Variants in CEP164 observed in about 807,000 individuals in gnomAD.
The protein encoded by CEP164 is centrosomal protein of 164 kDa.
Under a neutral mutation model 182.7 loss-of-function variants are expected in CEP164, and 162 were observed. The ratio of observed to expected loss-of-function variants is 0.89; its 90% CI spans 0.78 to 1.01. CEP164 has a LOEUF of 1.01. CEP164 is among the 50% of genes least tolerant of loss of function. The probability of loss-of-function intolerance (pLI) is 0.00; values close to 1 mark genes in which losing one functional copy is unlikely to be tolerated. For missense variants in CEP164, 1,735 were observed against 1,790.4 expected (o/e 0.97, Z 0.56); for synonymous variants, 661 against 690.0 (o/e 0.96, Z 0.66).
intron 27 of CEP164, among the ~76,000 whole-genome samples, chr11:117,399,794 G>C (rs890028026): frequency 6.6e-6 from 1 of 152,182 alleles, no homozygotes; most frequent in African/African-American, 2.4e-5. Context: ...CTTTTGAGAA[G>C]TGTCTGTTCA....
At chr11:117,398,025 A>G (rs541660552) in intron 27 of CEP164, among the ~76,000 whole-genome samples, 1 of 152,230 alleles carries the variant, frequency 6.6e-6, no homozygotes, top group African/African-American at 2.4e-5. Context: ...CCTTCTGCCT[A>G]TGAGCCTGTA....
At chr11:117,348,514 G>A (rs962808360) in intron 4 of CEP164, among the ~76,000 whole-genome samples, 9 of 152,120 alleles carry the variant, frequency 5.9e-5, no homozygotes, top group Non-Finnish European at 1.3e-4. Context: ...CTGGGTAATA[G>A]TAGTGGTATC....
chr11:117,339,522 GTTTTTTTTTTTTTT>G (rs61258101), intron 3 of CEP164, among the ~76,000 whole-genome samples: 1 of 56,200 alleles, frequency 1.8e-5, no homozygotes, highest in Non-Finnish European at 3.1e-5. Flanking sequence ...TTTGTTTTTT[GTTTTTTTTTTTTTT>G]TTTTTTTTTT....
Position 117,344,186 on chromosome 11 carries a change from G to C in CEP164, c.103G>C (p.Glu35Gln). The change falls in exon 4 of 33, where the codon GAG (glutamate) becomes CAG (glutamine). Residue 35 changes from glutamate (E) to glutamine (Q), a missense_variant. By Grantham distance (29) the Glu-to-Gln change is conservative (BLOSUM62 2). Transcript: ENST00000278935. Reference protein sequence around the residue: ...SEQEILEFAREIGIDPIKEPE... With the variant: ...SEQEILEFARQIGIDPIKEPE... ...TGCAGAAATTCTTGAATTTGCCCGG[G>C]AGATTGGTATTGATCCCATCAAGGA... is the stretch of plus-strand genomic sequence containing the variant. 6.2e-7 allele frequency: 1 copy of C among 1,612,366 alleles called. No individual in the cohort carries two copies.
chr11:117,397,967 T>C (rs34114773), intron 27 of CEP164, among the ~76,000 whole-genome samples: 40,975 of 152,028 alleles, frequency 0.27, 6,704 homozygotes, highest in Non-Finnish European at 0.38. Context: ...ATTTCAGCAT[T>C]AACCCAAAAG....
chr11:117,340,416 T>G (rs1042490372), intron 3 of CEP164, among the ~76,000 whole-genome samples: 1 of 152,258 alleles, frequency 6.6e-6, no homozygotes, highest in Non-Finnish European at 1.5e-5. Flanking sequence ...CAAAGTTTGC[T>G]TATAATTCAG....
intron 27 of CEP164, among the ~76,000 whole-genome samples, chr11:117,401,923 C>G (rs754240160): frequency 1.3e-4 from 20 of 152,264 alleles, no homozygotes; most frequent in Middle Eastern, 3.4e-3. Flanking sequence ...AAAGAACCAG[C>G]TCCTGGATTG....
chr11:117,352,814 T>G (rs2039822623), intron 5 of CEP164, among the ~76,000 whole-genome samples: 1 of 152,230 alleles, frequency 6.6e-6, no homozygotes, highest in Non-Finnish European at 1.5e-5. Flanking sequence ...CTCAAACTCC[T>G]GACCTCAAGT....
chr11:117,378,007 T>A (rs1413555041), intron 11 of CEP164, among the ~76,000 whole-genome samples: 1 of 151,560 alleles, frequency 6.6e-6, no homozygotes, highest in Non-Finnish European at 1.5e-5. Context: ...ACTACAGGCA[T>A]CCACCACCAT....
At chr11:117,369,848 T>TA (rs2042021748) in intron 8 of CEP164, among the ~76,000 whole-genome samples, 1 of 152,214 alleles carries the variant, frequency 6.6e-6, no homozygotes, top group Admixed American at 6.5e-5. Context: ...TACTAGTCTT[T>TA]AAAGTGAGGT....
At chr11:117,380,557 G>A (rs978530410) in intron 11 of CEP164, 57 bp from the exon 12 acceptor site, 5 of 1,422,066 alleles carry the variant, frequency 3.5e-6, no homozygotes, top group Non-Finnish European at 4.9e-6. Context: ...GCAGGAGGAT[G>A]GAGGGACCCA....
Position 117,409,292 on chromosome 11 carries a change from C to T in CEP164, c.3748+264C>T. 5.2e-6 allele frequency: 3 copies of T among 581,526 alleles called. No individual in the cohort carries two copies. The South Asian group carries it at 6.9e-5, about 13-fold the overall frequency. 36.0% of individuals were successfully genotyped at this position (581,526 alleles called of 1,614,324 possible). ...CTGGCCTTGCTGGCCTCTTCTCTTCCAGGGCCTCCTTGAGGAGGCTTTTCT... is the reference window on the plus strand; with the variant it reads ...CTGGCCTTGCTGGCCTCTTCTCTTCTAGGGCCTCCTTGAGGAGGCTTTTCT... On this transcript the variant is annotated intron_variant, in intron 29 of 32. Coordinates refer to ENST00000278935, the MANE Select transcript of CEP164 (RefSeq NM_014956.5). This position sits in a 1 kb window ranked among gnomAD's most constrained non-coding sequence, Gnocchi z 4.4.
chr11:117,344,233 G>A lies in CEP164; in HGVS notation c.150G>A (p.Ala50=), dbSNP rs367761983. Residue 50 remains alanine (A), a synonymous_variant, in exon 4 of 33, where the codon GCG becomes GCA. Coordinates refer to ENST00000278935, the MANE Select transcript of CEP164 (RefSeq NM_014956.5). ...AGGAACCAGAACTGATGTGGCTGGC[G>A]CGAGAGGGCATCGTGGCCCCACTGC... ...PIKEPELMWL[A]REGIVAPLPG... The A allele has an allele frequency of 2.7e-5, 44 of 1,613,304 alleles. No individual in the cohort carries two copies. Among genetic ancestry groups the A allele is most frequent in the Middle Eastern group, 1.6e-4 (1 of 6,080 alleles).
At chr11:117,410,730 C>A in intron 30 of CEP164, 98 bp from the exon 31 acceptor site, 2 of 960,650 alleles carry the variant, frequency 2.1e-6, no homozygotes, top group African/African-American at 1.6e-5. Context: ...GCCACTGAAG[C>A]TTTTCCTTTT....
In CEP164 at chr11:117,395,727, C is replaced by A. The variant is rs199573069; in HGVS notation, c.3089+5C>A. ...GCAACTGCAGAAACACTTCAGGTGG[C>A]GTGGGCACCCTGCACTTAGCCCTGC... On this transcript the variant is annotated splice_donor_5th_base_variant and intron_variant, in intron 24 of 32. Coordinates refer to ENST00000278935, the MANE Select transcript of CEP164 (RefSeq NM_014956.5). 4 of 1,604,488 alleles carry A rather than the reference C, an allele frequency of 2.5e-6. No individual in the cohort carries two copies. Among genetic ancestry groups the A allele is most frequent in the Non-Finnish European group, 3.4e-6 (4 of 1,175,966 alleles).
chr11:117,372,423 C>CT (rs551502266), intron 9 of CEP164, among the ~76,000 whole-genome samples: 17,595 of 142,090 alleles, frequency 0.12, 1,365 homozygotes, highest in Middle Eastern at 0.19. Context: ...CCTTGTACTT[C>CT]TTTTTTTTTT....
intron 27 of CEP164, among the ~76,000 whole-genome samples, chr11:117,400,683 C>G (rs2046028968): frequency 6.6e-6 from 1 of 152,112 alleles, no homozygotes; most frequent in African/African-American, 2.4e-5. Context: ...TTGTAGTTCC[C>G]CTTGAAGAGG....
intron 15 of CEP164, among the ~76,000 whole-genome samples, chr11:117,389,794 A>G (rs2044385808): frequency 6.6e-6 from 1 of 152,152 alleles, no homozygotes; most frequent in Admixed American, 6.5e-5. Context: ...GCTAGAACAG[A>G]GTCTGTCGGA....
chr11:117,394,547 A>C lies in CEP164; in HGVS notation c.2760+54A>C. On this transcript the variant is annotated intron_variant, in intron 21 of 32. Coordinates refer to ENST00000278935, the MANE Select transcript of CEP164 (RefSeq NM_014956.5). The surrounding 1 kb of genome is among the most constrained non-coding windows in gnomAD (Gnocchi z 4.0). The stretch of plus-strand genomic sequence containing the variant: ...CTGTGACCCCTCCATGCACAGTAGG[A>C]AGGTGCTGGGAGCAGACGCATGGCC... The C allele has an allele frequency of 1.3e-6, 2 of 1,599,252 alleles. No homozygotes were observed. The highest frequency in any genetic ancestry group is 1.7e-6 in the Non-Finnish European group (2 of 1,172,480).
Sources: gnomAD v4.1 joint callset for allele counts (sites outside exome capture counted in the v4.1 genomes callset) on GRCh38, gnomAD v4.1.1 for gene constraint, Gnocchi (gnomAD v3.1) non-coding constraint, MANE v1.5 for transcripts, NCBI Gene and HGNC (gene_info 2026-07-23, HGNC 2026-07-21) for gene names.